The following DYNC2H1 variants were observed in gnomAD, a reference collection of about 807,000 sequenced individuals.
DYNC2H1 encodes the protein cytoplasmic dynein 2 heavy chain 1.
A neutral mutation model predicts 570.0 loss-of-function variants in DYNC2H1; 410 were observed. That is an observed-to-expected ratio of 0.72 (90% CI 0.66 to 0.78). The LOEUF is 0.78. DYNC2H1 is among the 30% of genes least tolerant of loss of function. The pLI is 0.00. For synonymous variants in DYNC2H1, 1,688 were observed against 1,677.6 expected (o/e 1.01, Z -0.15); for missense variants, 4,865 against 5,046.4 (o/e 0.96, Z 1.09).
At position 103,322,878 on chromosome 11, in the gene DYNC2H1, A is replaced by G. The variant is rs529939321; in HGVS notation, c.11935-1008A>G. On this transcript the variant is annotated intron_variant, in intron 81 of 88. Coordinates refer to ENST00000375735, the MANE Select transcript of DYNC2H1 (RefSeq NM_001377.3). ...CATACACTCATGTACATGTACATATACATTTATACGTATATATTGTGATTG... is the reference window on the plus strand; with the variant it reads ...CATACACTCATGTACATGTACATATGCATTTATACGTATATATTGTGATTG... Among the ~76,000 whole-genome samples, 119 of 152,368 alleles carry G rather than the reference A, an allele frequency of 7.8e-4. 1 individual carries two copies. The highest frequency in any genetic ancestry group is 3.8e-3 in the Admixed American group (58 of 15,304).
chr11:103,221,976 C>T, intron 57 of DYNC2H1, 54 bp from the exon 58 acceptor site: 4 of 1,572,842 alleles, frequency 2.5e-6, no homozygotes, highest in African/African-American at 1.4e-5. Flanking sequence ...GATTTTTTTT[C>T]AGAAACAGCA....
In DYNC2H1 at chr11:103,167,921, C is replaced by G. The variant is rs189748539; in HGVS notation, c.4763-834C>G. 2.9e-3 allele frequency among the ~76,000 whole-genome samples: 449 copies of G among 152,252 alleles called. 7 individuals are homozygous for G. Among genetic ancestry groups the G allele is most frequent in the Non-Finnish European group, 1.4e-3 (98 of 68,026 alleles). On this transcript the variant is annotated intron_variant, in intron 31 of 88. Transcript: ENST00000375735. ...GTGTTCCCTCGTAGCCAATTCCAGT[C>G]TTTGGTTTCTGATTAGAATGAGATC...
intron 81 of DYNC2H1, among the ~76,000 whole-genome samples, chr11:103,322,992 C>T (rs927627302): frequency 1.3e-5 from 2 of 152,168 alleles, no homozygotes; most frequent in African/African-American, 4.8e-5. Context: ...GACATATTTA[C>T]AGGCCCCGGA....
At chr11:103,166,404 TA>T in intron 31 of DYNC2H1, among the ~76,000 whole-genome samples, 1 of 152,308 alleles carries the variant, frequency 6.6e-6, no homozygotes, top group East Asian at 1.9e-4. Context: ...TATATATACC[TA>T]GATGTTTACC....
chr11:103,162,241 G>T (rs1175255944), intron 29 of DYNC2H1, among the ~76,000 whole-genome samples: 1 of 151,708 alleles, frequency 6.6e-6, no homozygotes, highest in African/African-American at 2.4e-5. Context: ...TCTAGCTTCA[G>T]TGAATTTTGA....
intron 82 of DYNC2H1, among the ~76,000 whole-genome samples, chr11:103,354,181 CAAAAAA>C (rs71465391): frequency 6.0e-5 from 7 of 117,236 alleles, no homozygotes; most frequent in South Asian, 2.9e-4. Flanking sequence ...TGTCTCAAAA[CAAAAAA>C]AAAAAAAAAA....
rs11225628 is a variant in DYNC2H1 at position 103,249,699 on chromosome 11, C to T, written c.10043-3586C>T. The stretch of plus-strand genomic sequence containing the variant: ...CATAAATCATTTCATAAAACACCAA[C>T]ATCAGAGAGGTCACTCTGACTGCAG... On this transcript the variant is annotated intron_variant, in intron 65 of 88. Coordinates refer to ENST00000375735, the MANE Select transcript of DYNC2H1 (RefSeq NM_001377.3). This position sits in a 1 kb window ranked among gnomAD's most constrained non-coding sequence, Gnocchi z 4.6. Among the ~76,000 whole-genome samples, 7,523 of 152,086 alleles carry T rather than the reference C, an allele frequency of 0.049. 250 individuals carry two copies. The highest frequency in any genetic ancestry group is 0.071 in the Non-Finnish European group (4,840 of 67,934).
intron 70 of DYNC2H1, among the ~76,000 whole-genome samples, chr11:103,269,527 T>C (rs1050819752): frequency 1.3e-5 from 2 of 152,188 alleles, no homozygotes; most frequent in Admixed American, 6.5e-5. Context: ...ATTATTAATA[T>C]TCACATCACA....
intron 55 of DYNC2H1, among the ~76,000 whole-genome samples, chr11:103,216,789 C>A (rs1252108462): frequency 8.8e-5 from 13 of 147,958 alleles, no homozygotes; most frequent in South Asian, 2.2e-4. Context: ...GCAAGACTCT[C>A]AAAAAAAAAA....
chr11:103,459,908 C>T (rs1225499086), intron 87 of DYNC2H1, among the ~76,000 whole-genome samples: 2 of 145,870 alleles, frequency 1.4e-5, no homozygotes, highest in East Asian at 4.1e-4. Flanking sequence ...GCCGAGATTG[C>T]GCCACTGCAG....
chr11:103,165,869 T>A, intron 30 of DYNC2H1, 29 bp from the exon 31 acceptor site: 1 of 1,426,450 alleles, frequency 7.0e-7, no homozygotes, highest in Non-Finnish European at 9.2e-7. Context: ...ATTCACCTTT[T>A]AAAAATAATT....
At chr11:103,409,425 G>C (rs1709149) in intron 84 of DYNC2H1, among the ~76,000 whole-genome samples, 1 of 151,030 alleles carries the variant, frequency 6.6e-6, no homozygotes, top group African/African-American at 2.4e-5. Context: ...TAGATGTTGA[G>C]CTTGAATGCT....
In DYNC2H1 at chr11:103,439,571, A is replaced by T. The variant is rs10895428; in HGVS notation, c.12456+3539A>T. Among the ~76,000 whole-genome samples the T allele has an allele frequency of 0.12, 17,796 of 152,016 alleles. 1,440 individuals are homozygous for T. Among genetic ancestry groups the T allele is most frequent in the African/African-American group, 0.23 (9,583 of 41,430 alleles). ...ACTGTTTTAGCTGCAGTATGGAGAG[A>T]GTCTTAGTCTACTTTGTGGCAAAAG... is the stretch of plus-strand genomic sequence containing the variant. On this transcript the variant is annotated intron_variant, in intron 85 of 88. Coordinates refer to ENST00000375735, the MANE Select transcript of DYNC2H1 (RefSeq NM_001377.3). The surrounding 1 kb of genome is among the most constrained non-coding windows in gnomAD (Gnocchi z 4.1).
chr11:103,143,217 A>G, intron 17 of DYNC2H1, 51 bp from the exon 18 acceptor site: 7 of 1,573,872 alleles, frequency 4.4e-6, no homozygotes, highest in East Asian at 2.2e-5. Flanking sequence ...ATTATATGTT[A>G]ACATATTGGT....
chr11:103,113,814 T>G, intron 2 of DYNC2H1, 107 bp downstream of exon 2: 2 of 929,802 alleles, frequency 2.2e-6, no homozygotes, highest in African/African-American at 3.5e-5. Context: ...TGTTTTAATT[T>G]TAATTAAAAT....
chr11:103,147,952 T>C (rs1408281893), intron 19 of DYNC2H1, 65 bp downstream of exon 19: 3 of 1,137,112 alleles, frequency 2.6e-6, no homozygotes, highest in Non-Finnish European at 3.7e-6. Context: ...ACTTTGATAG[T>C]TATAAAATGT....
chr11:103,401,176 A>T (rs568430442), intron 84 of DYNC2H1, among the ~76,000 whole-genome samples: 16 of 152,344 alleles, frequency 1.1e-4, no homozygotes, highest in Non-Finnish European at 2.4e-4. Flanking sequence ...GGGGTGTTAC[A>T]TAACCAGAAT....
At position 103,220,024 on chromosome 11, in the gene DYNC2H1, T is replaced by G; in HGVS notation, c.8942T>G (p.Val2981Gly). Reference protein sequence around the residue: ...KNKIDDELKEVQPLVNEAKLA... With the variant: ...KNKIDDELKEGQPLVNEAKLA... The stretch of plus-strand genomic sequence containing the variant: ...AAAATTGATGATGAATTAAAAGAAG[T>G]ACAAGTAAGTTAAAAAACATTCTAA... Residue 2981 changes from valine to glycine, a missense_variant, in exon 56 of 89, where the codon GTA (valine) becomes GGA (glycine). Val to Gly is a moderately radical substitution (Grantham distance 109). Coordinates refer to ENST00000375735, the MANE Select transcript of DYNC2H1 (RefSeq NM_001377.3). The G allele has an allele frequency of 7.1e-7, 1 of 1,413,200 alleles. No individual in the cohort carries two copies. Among genetic ancestry groups the G allele is most frequent in the Non-Finnish European group, 9.4e-7 (1 of 1,066,624 alleles). The allele number at this position is 1,413,200 out of a possible 1,614,324, so 87.5% of individuals were successfully genotyped here. A position where few individuals can be genotyped will look rare whatever the true frequency, so the allele number is the denominator to read the frequency against.
intron 76 of DYNC2H1, 58 bp from the exon 77 acceptor site, chr11:103,304,537 T>G: frequency 6.4e-7 from 1 of 1,563,886 alleles, no homozygotes; most frequent in Non-Finnish European, 8.7e-7. Flanking sequence ...CATACTGTTA[T>G]ATTACAACAT....
Sources: allele counts gnomAD v4.1 joint callset (sites outside exome capture counted in the v4.1 genomes callset), GRCh38; gene constraint gnomAD v4.1.1; non-coding constraint Gnocchi (gnomAD v3.1); transcripts MANE v1.5; gene names NCBI Gene and HGNC (gene_info 2026-07-23, HGNC 2026-07-21).